Variants in XYLT1 observed in about 807,000 individuals in gnomAD.
XYLT1 encodes the protein xylosyltransferase 1.
A neutral mutation model predicts 91.3 loss-of-function variants in XYLT1; 36 were observed. The ratio of observed to expected loss-of-function variants is 0.39; its 90% CI spans 0.30 to 0.52. The LOEUF is 0.52. XYLT1 is among the 20% of genes least tolerant of loss of function. The pLI is 0.68. For missense variants in XYLT1, 1,242 were observed against 1,284.5 expected, an observed-to-expected ratio of 0.97 and a Z score of 0.51; for synonymous variants, 588 against 532.0, an observed-to-expected ratio of 1.11 and a Z score of -1.45.
At chr16:17,277,585 T>C (rs993747276) in intron 2 of XYLT1, among the ~76,000 whole-genome samples, 1 of 152,120 alleles carries the variant, frequency 6.6e-6, no homozygotes. Flanking sequence ...AGACGGGGTT[T>C]CACCATGTAG....
In XYLT1 at chr16:17,117,854, A is replaced by C; in HGVS notation, c.2349T>G (p.Ile783Met). 1 of 1,614,096 alleles carries C rather than the reference A, an allele frequency of 6.2e-7. No homozygotes were observed. Residue 783 changes from isoleucine to methionine, a missense_variant, in exon 11 of 12, where the codon ATT becomes ATG. By Grantham distance (10) the Ile-to-Met change is conservative (BLOSUM62 1). Transcript: ENST00000261381. ...CGATGACATTGACGGGATCCACCCA[A>C]ATGACGGTCACGGTCACATTAGGTC... ...GKGPNVTVTV[I>M]WVDPVNVIAA...
At chr16:17,329,422 G>T (rs189695893) in intron 2 of XYLT1, among the ~76,000 whole-genome samples, 1 of 152,162 alleles carries the variant, frequency 6.6e-6, no homozygotes, top group Non-Finnish European at 1.5e-5. Context: ...ACATGTTAAC[G>T]TCCTTATGCC....
chr16:17,470,719 CAGCAGCACCGTGAGCGCCGCG>C lies in XYLT1; in HGVS notation c.57_77del (p.Ala20_Leu26del). On this transcript the variant is annotated inframe_deletion, in exon 1 of 12. Coordinates refer to ENST00000261381, the MANE Select transcript of XYLT1 (RefSeq NM_022166.4). ...AATTCCACACGACCAGCGTCTGCAG[CAGCAGCACCGTGAGCGCCGCG>C]AGCAGCGCCGAGTGCGAGCGCCGGG... 8.6e-7 allele frequency: 1 copy of C among 1,156,368 alleles called. No homozygotes were observed. The highest frequency in any genetic ancestry group is 1.1e-6 in the Non-Finnish European group (1 of 921,626). 71.6% of individuals were successfully genotyped at this position (1,156,368 alleles called of 1,614,324 possible).
At chr16:17,318,693 C>T (rs935506122) in intron 2 of XYLT1, among the ~76,000 whole-genome samples, 2 of 152,006 alleles carry the variant, frequency 1.3e-5, no homozygotes, top group African/African-American at 2.4e-5. Context: ...TCCAGACACT[C>T]AAGACGATGC....
chr16:17,357,315 C>T (rs899198074), intron 2 of XYLT1, among the ~76,000 whole-genome samples: 4 of 151,806 alleles, frequency 2.6e-5, no homozygotes, highest in Admixed American at 1.3e-4. Flanking sequence ...GTTTCAGATG[C>T]GAAGACACTG....
intron 5 of XYLT1, among the ~76,000 whole-genome samples, chr16:17,192,035 C>T (rs1452217383): frequency 6.6e-6 from 1 of 151,956 alleles, no homozygotes. Context: ...CTGATTTGCC[C>T]CAAGACACCG....
intron 1 of XYLT1, among the ~76,000 whole-genome samples, chr16:17,375,481 A>AAC (rs71137985): frequency 0.013 from 1,851 of 147,536 alleles, 15 homozygotes; most frequent in East Asian, 0.026. Context: ...TAACATTTAA[A>AAC]ACACACACAC....
intron 5 of XYLT1, among the ~76,000 whole-genome samples, chr16:17,170,384 C>G (rs930973855): frequency 6.6e-6 from 1 of 152,192 alleles, no homozygotes; most frequent in Non-Finnish European, 1.5e-5. Flanking sequence ...CTGTCCAGCA[C>G]AGAGGCCAGG....
chr16:17,204,722 A>C (rs1436696446), intron 3 of XYLT1, among the ~76,000 whole-genome samples: 1 of 152,194 alleles, frequency 6.6e-6, no homozygotes, highest in Non-Finnish European at 1.5e-5. Context: ...TGAGGCTTGG[A>C]GAGGTCCCAG....
intron 9 of XYLT1, 67 bp from the exon 10 acceptor site, chr16:17,127,928 A>T: frequency 6.7e-7 from 1 of 1,488,154 alleles, no homozygotes; most frequent in South Asian, 1.3e-5. Context: ...CTCCCCACCC[A>T]CCAAGCTAGT....
intron 9 of XYLT1, among the ~76,000 whole-genome samples, chr16:17,131,568 A>C (rs1239980134): frequency 6.6e-6 from 1 of 152,188 alleles, no homozygotes; most frequent in Non-Finnish European, 1.5e-5. Context: ...CCCGGAGGGC[A>C]TTTGGGGACC....
At chr16:17,131,963 G>A (rs2030498701) in intron 9 of XYLT1, among the ~76,000 whole-genome samples, 1 of 152,102 alleles carries the variant, frequency 6.6e-6, no homozygotes, top group Admixed American at 6.5e-5. Context: ...AAAACGAGGT[G>A]GATACCAGAG....
In XYLT1 at chr16:17,159,135, C is replaced by G. The variant is rs9934526; in HGVS notation, c.1290-226G>C. ...TGTTTGTGCATTTCTCTCCTCTATA[C>G]TCCAATATACTGGAGACTCTGTGAG... On this transcript the variant is annotated intron_variant, in intron 5 of 11. Transcript: ENST00000261381. 5.0e-3 allele frequency among the ~76,000 whole-genome samples: 769 copies of G among 152,304 alleles called. 3 individuals carry two copies. Among genetic ancestry groups the G allele is most frequent in the African/African-American group, 0.017 (704 of 41,546 alleles).
intron 2 of XYLT1, among the ~76,000 whole-genome samples, chr16:17,353,008 C>G (rs1045419483): frequency 6.6e-6 from 1 of 152,206 alleles, no homozygotes; most frequent in Non-Finnish European, 1.5e-5. Flanking sequence ...GCTACAGGAG[C>G]CCTGTTCACA....
intron 3 of XYLT1, among the ~76,000 whole-genome samples, chr16:17,253,096 C>G (rs1000735951): frequency 1.3e-5 from 2 of 152,206 alleles, no homozygotes; most frequent in African/African-American, 4.8e-5. Context: ...AAAGGGAACA[C>G]AATCCCCGTA....
chr16:17,465,489 T>C (rs1445547598), intron 1 of XYLT1, among the ~76,000 whole-genome samples: 1 of 151,098 alleles, frequency 6.6e-6, no homozygotes, highest in Non-Finnish European at 1.5e-5. Flanking sequence ...TTGGGTGTCC[T>C]TAGTTTTAAC....
chr16:17,332,106 C>A (rs2034906508), intron 2 of XYLT1, among the ~76,000 whole-genome samples: 1 of 152,218 alleles, frequency 6.6e-6, no homozygotes, highest in South Asian at 2.1e-4. Flanking sequence ...CACCCTGTCC[C>A]CAGATACAAC....
intron 2 of XYLT1, among the ~76,000 whole-genome samples, chr16:17,263,419 C>T (rs567738060): frequency 1.3e-5 from 2 of 152,074 alleles, no homozygotes; most frequent in Non-Finnish European, 2.9e-5. Context: ...CAAGACAGGC[C>T]ACCACAATGG....
chr16:17,350,966 A>G (rs1038099980), intron 2 of XYLT1, among the ~76,000 whole-genome samples: 8 of 152,200 alleles, frequency 5.3e-5, no homozygotes, highest in Non-Finnish European at 1.2e-4. Flanking sequence ...ATCAGTCCAG[A>G]GACCTTGGCA....
Sources: gnomAD v4.1 joint callset for allele counts (sites outside exome capture counted in the v4.1 genomes callset) on GRCh38, gnomAD v4.1.1 for gene constraint, MANE v1.5 for transcripts, NCBI Gene and HGNC (gene_info 2026-07-23, HGNC 2026-07-21) for gene names.